AHI1: variants seen among roughly 807,000 people sequenced by gnomAD.
AHI1 encodes the protein Abelson helper integration site 1.
In AHI1, 123 loss-of-function variants were observed where a neutral mutation model predicts 149.3. The observed-to-expected ratio is 0.82, with a 90% CI of 0.71 to 0.96. The LOEUF (loss-of-function observed/expected upper bound fraction) is 0.96. AHI1 is among the 40% of genes least tolerant of loss of function. The pLI is 0.00. For synonymous variants in AHI1, 475 were observed against 459.8 expected, an observed-to-expected ratio of 1.03 and a Z score of -0.42; for missense variants, 1,439 against 1,422.7, an observed-to-expected ratio of 1.01 and a Z score of -0.18.
chr6:135,388,964 A>G (rs1234754420), intron 23 of AHI1, among the ~76,000 whole-genome samples: 1 of 151,620 alleles, frequency 6.6e-6, no homozygotes, highest in East Asian at 1.9e-4. Flanking sequence ...GCGAGCTGAG[A>G]CCGCGCCACT....
chr6:135,290,605 G>T, intron 27 of AHI1, 80 bp from the exon 28 acceptor site: 1 of 1,477,106 alleles, frequency 6.8e-7, no homozygotes, highest in Non-Finnish European at 9.4e-7. Flanking sequence ...TTGATCTAGG[G>T]CCGTGGCAGT....
chr6:135,291,906 G>C (rs1346794730), intron 27 of AHI1, among the ~76,000 whole-genome samples: 2 of 152,126 alleles, frequency 1.3e-5, no homozygotes, highest in Non-Finnish European at 2.9e-5. Flanking sequence ...GCAAGCCAAA[G>C]ATAATACAGC....
intron 26 of AHI1, among the ~76,000 whole-genome samples, chr6:135,313,331 T>G (rs1429587553): frequency 6.6e-6 from 1 of 152,218 alleles, no homozygotes; most frequent in Non-Finnish European, 1.5e-5. Context: ...AATCATGTTC[T>G]TCAACAAAAG....
Position 135,416,899 on chromosome 6 carries a change from C to T in AHI1, c.2765-5355G>A, listed in dbSNP as rs552924227. Among the ~76,000 whole-genome samples the T allele has an allele frequency of 2.2e-4, 33 of 152,174 alleles. No homozygotes were observed. The Middle Eastern group carries it at 0.014, about 63-fold the overall frequency. ...GATGTGCATTCCTCAATACTAATTA[C>T]TGTTTTTAAACAGAAGTGTAGCCAT... On this transcript the variant is annotated intron_variant, in intron 20 of 28. Coordinates refer to ENST00000265602, the MANE Select transcript of AHI1 (RefSeq NM_001134831.2).
At chr6:135,311,287 G>A (rs906203502) in intron 26 of AHI1, among the ~76,000 whole-genome samples, 8 of 134,976 alleles carry the variant, frequency 5.9e-5, no homozygotes, top group Admixed American at 1.5e-4. Context: ...GGGTGACAGG[G>A]CGAGACCCCG....
In AHI1 at chr6:135,302,956, T is replaced by C. The variant is rs1784073521; in HGVS notation, c.3427-2398A>G. 4 of 456,792 alleles carry C rather than the reference T, an allele frequency of 8.8e-6. No individual in the cohort carries two copies. In the South Asian group the frequency reaches 8.8e-5, roughly 10 times the overall value. The allele number at this position is 456,792 out of a possible 1,614,324, so 28.3% of individuals were successfully genotyped here. ...GTTGTTTTATGACTTTGTTTCCTCT[T>C]CATGGATATCATTGATTTAGAGAGG... On this transcript the variant is annotated intron_variant, in intron 26 of 28. Coordinates refer to ENST00000265602, the MANE Select transcript of AHI1 (RefSeq NM_001134831.2).
intron 23 of AHI1, among the ~76,000 whole-genome samples, chr6:135,375,563 C>T (rs1775792759): frequency 6.6e-6 from 1 of 152,070 alleles, no homozygotes; most frequent in Admixed American, 6.5e-5. Flanking sequence ...CCATACTTTG[C>T]AACATTTGTA....
At chr6:135,455,104 C>T (rs190458970) in intron 10 of AHI1, among the ~76,000 whole-genome samples, 1 of 151,606 alleles carries the variant, frequency 6.6e-6, no homozygotes, top group Non-Finnish European at 1.5e-5. Flanking sequence ...TTCAAACTAT[C>T]TGCAAACGCA....
Position 135,492,268 on chromosome 6 carries a change from C to A in AHI1, c.-31G>T. The stretch of plus-strand genomic sequence containing the variant: ...AGCTTTATGCAGAGGACTGAGAATG[C>A]AAAGCATTGACTCAATCAGGATCCT... On this transcript the variant is annotated 5_prime_UTR_variant, in exon 4 of 29. Transcript: ENST00000265602. 1.3e-6 allele frequency: 2 copies of A among 1,535,172 alleles called. No individual in the cohort carries two copies. The highest frequency in any genetic ancestry group is 2.5e-5 in the South Asian group (2 of 79,434).
At chr6:135,395,394 A>T (rs2614266) in intron 22 of AHI1, among the ~76,000 whole-genome samples, 95,493 of 151,660 alleles carry the variant, frequency 0.63, 30,509 homozygotes, top group African/African-American at 0.74. Flanking sequence ...GTGAAATAGT[A>T]TCCATTGCAT....
chr6:135,464,201 G>A (rs893004485), intron 7 of AHI1, among the ~76,000 whole-genome samples: 3 of 152,000 alleles, frequency 2.0e-5, no homozygotes, highest in Non-Finnish European at 2.9e-5. Context: ...AAAATGGGTT[G>A]AGGAAAGTAA....
intron 20 of AHI1, among the ~76,000 whole-genome samples, chr6:135,417,349 G>A (rs2127988614): frequency 6.6e-6 from 1 of 151,972 alleles, no homozygotes; most frequent in South Asian, 2.1e-4. Context: ...CATAGAAATG[G>A]CCCAGAAGCA....
chr6:135,456,087 A>G (rs1040984783), intron 9 of AHI1, among the ~76,000 whole-genome samples, 161 bp from the exon 10 acceptor site: 2 of 152,256 alleles, frequency 1.3e-5, no homozygotes, highest in Non-Finnish European at 2.9e-5. Flanking sequence ...TACAAATTTT[A>G]TAAGACTTAA....
At chr6:135,361,467 T>C (rs1793852366) in intron 23 of AHI1, among the ~76,000 whole-genome samples, 1 of 152,214 alleles carries the variant, frequency 6.6e-6, no homozygotes, top group Non-Finnish European at 1.5e-5. Flanking sequence ...AATGTTTTGC[T>C]GGGTATTGAA....
chr6:135,332,840 C>G (rs887260634), intron 24 of AHI1, among the ~76,000 whole-genome samples: 3 of 152,198 alleles, frequency 2.0e-5, no homozygotes, highest in Admixed American at 6.5e-5. Flanking sequence ...TCCCCCCGTT[C>G]CTTCTCTGTC....
At chr6:135,493,421 T>C (rs1795529725) in intron 3 of AHI1, among the ~76,000 whole-genome samples, 1 of 152,230 alleles carries the variant, frequency 6.6e-6, no homozygotes, top group African/African-American at 2.4e-5. Context: ...ACTATGTCAG[T>C]TAACTTAGGC....
chr6:135,364,278 C>A (rs1252629973), intron 23 of AHI1, among the ~76,000 whole-genome samples: 1 of 151,616 alleles, frequency 6.6e-6, no homozygotes, highest in Non-Finnish European at 1.5e-5. Context: ...AGGTGCTCCC[C>A]ACATCTCAGA....
intron 9 of AHI1, among the ~76,000 whole-genome samples, chr6:135,457,283 G>A (rs556114708): frequency 9.2e-5 from 14 of 151,870 alleles, no homozygotes; most frequent in Non-Finnish European, 1.5e-4. Flanking sequence ...ACTCCATCTC[G>A]GAAAAAAAGT....
At chr6:135,361,013 T>G (rs1793777990) in intron 23 of AHI1, among the ~76,000 whole-genome samples, 1 of 152,252 alleles carries the variant, frequency 6.6e-6, no homozygotes, top group Non-Finnish European at 1.5e-5. Context: ...CATTTCTTTT[T>G]GTTCTTTTCT....
Sources: allele counts gnomAD v4.1 joint callset (sites outside exome capture counted in the v4.1 genomes callset), GRCh38; gene constraint gnomAD v4.1.1; transcripts MANE v1.5; gene names NCBI Gene and HGNC (gene_info 2026-07-23, HGNC 2026-07-21).